PADI6: variants seen among roughly 807,000 people sequenced by gnomAD.
PADI6 encodes peptidyl arginine deiminase 6.
A neutral mutation model predicts 78.2 loss-of-function variants in PADI6; 66 were observed. The observed-to-expected ratio is 0.84, with a 90% CI of 0.69 to 1.04. PADI6 has a LOEUF of 1.04. Among genes scored for constraint, PADI6 ranks in the 50% least tolerant of loss-of-function variants. The pLI, the probability that PADI6 is intolerant of heterozygous loss-of-function variation, is 0.00. For missense variants in PADI6, 854 were observed against 866.1 expected, an observed-to-expected ratio of 0.99 and a Z score of 0.18; for synonymous variants, 397 against 346.9, an observed-to-expected ratio of 1.14 and a Z score of -1.60.
chr1:17,372,282 A>C lies in PADI6; in HGVS notation c.37A>C (p.Ser13Arg), dbSNP rs754684304. The stretch of plus-strand genomic sequence containing the variant: ...GGAGGGCCGAGCCATGTCCTTCCAG[A>C]GTATCATCCACCTGTCCCTGGACAG... ...SVEGRAMSFQSIIHLSLDSPV... is the reference protein window; with the variant it reads ...SVEGRAMSFQRIIHLSLDSPV... Residue 13 changes from serine (S) to arginine (R), a missense_variant, in exon 1 of 16, where the codon AGT becomes CGT. Transcript: ENST00000619609. 9 of 1,613,902 alleles carry C rather than the reference A, an allele frequency of 5.6e-6. No individual in the cohort carries two copies. The highest frequency in any genetic ancestry group is 6.8e-6 in the Non-Finnish European group (8 of 1,179,870).
At chr1:17,383,427 A>AG (rs770549986) in intron 6 of PADI6, among the ~76,000 whole-genome samples, 44 of 152,334 alleles carry the variant, frequency 2.9e-4, no homozygotes, top group Middle Eastern at 3.4e-3. Context: ...TGGCCCTGGG[A>AG]GGCTACCAGT....
chr1:17,392,233 C>T lies in PADI6; in HGVS notation c.1074+8C>T. ...CTGGGCAGGTGGCTCCAGGTAACAC[C>T]CCACCTGGGAACCCACCTGTCGGGG... On this transcript the variant is annotated splice_region_variant and intron_variant, in intron 9 of 15. Transcript: ENST00000619609. The T allele has an allele frequency of 1.3e-6, 2 of 1,546,658 alleles. No homozygotes were observed. Among genetic ancestry groups the T allele is most frequent in the Admixed American group, 2.0e-5 (1 of 51,048 alleles).
At chr1:17,386,471 G>T (rs1395858651) in intron 6 of PADI6, among the ~76,000 whole-genome samples, 1 of 152,200 alleles carries the variant, frequency 6.6e-6, no homozygotes, top group Non-Finnish European at 1.5e-5. Context: ...CCCAGAACAG[G>T]AGCAGGCCCT....
rs555498277 is a variant in PADI6 at position 17,377,369 on chromosome 1, TGGAGCTCAGA to T, written c.367+1878_367+1887del. ...CTGCCTGTTCCTTCTCAGAACCCTTTGGAGCTCAGAGGAGCTCTTCTCAGTCCTTTGTCCC... is the reference window on the plus strand; with the variant it reads ...CTGCCTGTTCCTTCTCAGAACCCTTTGGAGCTCTTCTCAGTCCTTTGTCCC... On this transcript the variant is annotated intron_variant, in intron 3 of 15. Transcript: ENST00000619609. 5.5e-3 allele frequency among the ~76,000 whole-genome samples: 831 copies of T among 152,282 alleles called. 4 individuals are homozygous for T. Among genetic ancestry groups the T allele is most frequent in the Non-Finnish European group, 8.0e-3 (543 of 68,020 alleles).
rs550724239 is a variant in PADI6 at position 17,394,559 on chromosome 1, C to T, written c.1337+105C>T. 61 of 1,240,172 alleles carry T rather than the reference C, an allele frequency of 4.9e-5. No homozygotes were observed. The African/African-American group carries it at 5.8e-4, about 12-fold the overall frequency. The allele number at this position is 1,240,172 out of a possible 1,614,324, so 76.8% of individuals were successfully genotyped here. A position where few individuals can be genotyped will look rare whatever the true frequency, so the allele number is the denominator to read the frequency against. Reference sequence around the variant, plus strand: ...ACCTCAGCAGGTCACACACACTGGACCATTTCTTAAACTGAAGACATTTGA... The same window carrying T: ...ACCTCAGCAGGTCACACACACTGGATCATTTCTTAAACTGAAGACATTTGA... On this transcript the variant is annotated intron_variant, in intron 11 of 15. Coordinates refer to ENST00000619609, the MANE Select transcript of PADI6 (RefSeq NM_207421.4).
At position 17,401,360 on chromosome 1, in the gene PADI6, A is replaced by T. The variant is rs779591704; in HGVS notation, c.2007A>T (p.Thr669=). The change falls in exon 16 of 16, where the codon ACA becomes ACT. Residue 669 remains threonine, a synonymous_variant. Coordinates refer to ENST00000619609, the MANE Select transcript of PADI6 (RefSeq NM_207421.4). ...TCAATGACTTTGACTGTTACCTGAC[A>T]GAGGTCGGAGACATCTGTGCCTGTG... ...TFINDFDCYL[T]EVGDICACAN... is the part of the protein sequence containing the mutation. The T allele has an allele frequency of 6.2e-7, 1 of 1,614,070 alleles. No individual in the cohort carries two copies. The highest frequency in any genetic ancestry group is 1.1e-5 in the South Asian group (1 of 91,090).
chr1:17,395,615 G>A lies in PADI6; in HGVS notation c.1570G>A (p.Asp524Asn), dbSNP rs758918042. The A allele has an allele frequency of 5.6e-6, 9 of 1,607,364 alleles. No homozygotes were observed. In the Admixed American group the frequency reaches 8.5e-5, roughly 15 times the overall value. ...AGAGAAACAGAAGGAAGGCTATGGC[G>A]ACGCTCTTCTGTTTGATGAGCTTAG... ...FREKQKEGYG[D>N]ALLFDELRAD... Residue 524 changes from aspartate (D) to asparagine (N), a missense_variant, in exon 13 of 16, where the codon GAC becomes AAC. Physicochemically the swap from Asp to Asn is conservative, Grantham distance 23 (BLOSUM62 1). Transcript: ENST00000619609.
chr1:17,395,739 G>A, intron 13 of PADI6, 76 bp downstream of exon 13: 1 of 1,503,940 alleles, frequency 6.6e-7, no homozygotes, highest in South Asian at 1.3e-5. Context: ...TAGCCATTCT[G>A]TCACGCTTGG....
chr1:17,398,194 A>C (rs1029219873), intron 14 of PADI6, among the ~76,000 whole-genome samples: 2 of 152,158 alleles, frequency 1.3e-5, no homozygotes, highest in African/African-American at 2.4e-5. Context: ...CGCACAGTGC[A>C]TGGGTACCCT....
intron 6 of PADI6, among the ~76,000 whole-genome samples, chr1:17,383,577 G>GT (rs1490079969): frequency 6.6e-6 from 1 of 152,260 alleles, no homozygotes; most frequent in Non-Finnish European, 1.5e-5. Flanking sequence ...GCTGGGCGTG[G>GT]TGGCTCATGC....
At chr1:17,383,842 TAAA>T (rs545891415) in intron 6 of PADI6, among the ~76,000 whole-genome samples, 1 of 151,400 alleles carries the variant, frequency 6.6e-6, no homozygotes, top group East Asian at 1.9e-4. Flanking sequence ...ATAATTTTTT[TAAA>T]AAAACTTATT....
At position 17,388,370 on chromosome 1, in the gene PADI6, TTC is replaced by T. The variant is rs749098156; in HGVS notation, c.680-6_680-5del. 7.5e-6 allele frequency: 12 copies of T among 1,601,230 alleles called. No homozygotes were observed. The highest frequency in any genetic ancestry group is 5.1e-5 in the Admixed American group (3 of 58,470). On this transcript the variant is annotated splice_polypyrimidine_tract_variant and intron_variant, in intron 6 of 15. Transcript: ENST00000619609. ...CTTCAGTGGCTGGTCCATCCCTTCT[TTC>T]TCTCCTAGAAGACAACTCCAGTACC...
At chr1:17,390,288 C>A (rs535363032) in intron 8 of PADI6, among the ~76,000 whole-genome samples, 1 of 150,836 alleles carries the variant, frequency 6.6e-6, no homozygotes, top group Non-Finnish European at 1.5e-5. Flanking sequence ...GAAACAAGAG[C>A]GAAACTGTCT....
chr1:17,395,028 A>G lies in PADI6; in HGVS notation c.1415A>G (p.Tyr472Cys), dbSNP rs1381404898. 1 of 1,613,534 alleles carries G rather than the reference A, an allele frequency of 6.2e-7. No homozygotes were observed. The highest frequency in any genetic ancestry group is 8.5e-7 in the Non-Finnish European group (1 of 1,179,874). ...CAGGTCCAAGCGCCGGTGGAGCTCT[A>G]CTCAGATTGGCTAATGACTGGCCAC... is the stretch of plus-strand genomic sequence containing the variant. ...AQQVQAPVELYSDWLMTGHVD... is the reference protein window; with the variant it reads ...AQQVQAPVELCSDWLMTGHVD... The change falls in exon 12 of 16, where the codon TAC (tyrosine) becomes TGC (cysteine). Residue 472 changes from tyrosine (Y) to cysteine (C), a missense_variant. Physicochemically the swap from Tyr to Cys is radical, Grantham distance 194. Transcript: ENST00000619609.
At chr1:17,399,459 G>A (rs1397107598) in intron 15 of PADI6, among the ~76,000 whole-genome samples, 1 of 152,114 alleles carries the variant, frequency 6.6e-6, no homozygotes, top group Non-Finnish European at 1.5e-5. Flanking sequence ...GTTGGGTGTG[G>A]TAGCACATGC....
intron 9 of PADI6, 128 bp from the exon 10 acceptor site, chr1:17,393,847 C>G: frequency 1.3e-6 from 1 of 761,000 alleles, no homozygotes; most frequent in Non-Finnish European, 2.3e-6. Context: ...GGGGTGATAT[C>G]TGAGCTGGGT....
intron 3 of PADI6, among the ~76,000 whole-genome samples, chr1:17,378,532 G>C (rs971432776): frequency 2.6e-4 from 39 of 152,154 alleles, no homozygotes; most frequent in African/African-American, 9.4e-4. Context: ...GATGGGAGGT[G>C]GTATGCTAAG....
In PADI6 at chr1:17,394,312, G is replaced by C; in HGVS notation, c.1195G>C (p.Gly399Arg). 6.2e-7 allele frequency: 1 copy of C among 1,613,490 alleles called. No homozygotes were observed. Among genetic ancestry groups the C allele is most frequent in the Non-Finnish European group, 8.5e-7 (1 of 1,179,532 alleles). ...GTCTCTCCCCCAGAGCCCTGGTATT[G>C]GCTACATGATCCAGGACACTGAGGA... ...PMKYSLSPGIGYMIQDTEDHK... is the reference protein window; with the variant it reads ...PMKYSLSPGIRYMIQDTEDHK... The change falls in exon 11 of 16, where the codon GGC (glycine) becomes CGC (arginine). Residue 399 changes from glycine (G) to arginine (R), a missense_variant. Coordinates refer to ENST00000619609, the MANE Select transcript of PADI6 (RefSeq NM_207421.4).
intron 8 of PADI6, among the ~76,000 whole-genome samples, chr1:17,390,415 C>A (rs1323574306): frequency 6.6e-6 from 1 of 152,094 alleles, no homozygotes; most frequent in Non-Finnish European, 1.5e-5. Flanking sequence ...GCCTGGCCAA[C>A]ATGGTAAAAC....
Sources: gnomAD v4.1 joint callset for allele counts (sites outside exome capture counted in the v4.1 genomes callset) on GRCh38, gnomAD v4.1.1 for gene constraint, MANE v1.5 for transcripts, NCBI Gene and HGNC (gene_info 2026-07-23, HGNC 2026-07-21) for gene names.